The following RNF214 variants were observed in gnomAD, a reference collection of about 807,000 sequenced individuals.
RNF214 encodes the protein ring finger protein 214.
In RNF214, 25 loss-of-function variants were observed where a neutral mutation model predicts 75.9. That is an observed-to-expected ratio of 0.33 (90% CI 0.24 to 0.46). The LOEUF (loss-of-function observed/expected upper bound fraction) is 0.46, where lower values mean the gene tolerates loss of function less well. Among genes scored for constraint, RNF214 ranks in the 20% least tolerant of loss-of-function variants. RNF214 has a pLI of 1.00. For missense variants in RNF214, 725 were observed against 857.5 expected (o/e 0.85, Z 1.93); for synonymous variants, 314 against 308.8 (o/e 1.02, Z -0.18).
At chr11:117,250,102 T>C (rs1360499576) in intron 6 of RNF214, among the ~76,000 whole-genome samples, 1 of 152,180 alleles carries the variant, frequency 6.6e-6, no homozygotes, top group Non-Finnish European at 1.5e-5. Flanking sequence ...TGCAAAATAG[T>C]GTAATGATAC....
intron 1 of RNF214, among the ~76,000 whole-genome samples, chr11:117,233,423 CG>C (rs3834459): frequency 1.3e-5 from 2 of 152,058 alleles, no homozygotes; most frequent in Non-Finnish European, 2.9e-5. Flanking sequence ...TTCAGTGTTC[CG>C]GGGGGGAATA....
chr11:117,274,802 G>T (rs913777710), intron 6 of RNF214, among the ~76,000 whole-genome samples: 1 of 151,368 alleles, frequency 6.6e-6, no homozygotes, highest in African/African-American at 2.4e-5. Flanking sequence ...AGCCTCCCAA[G>T]TAGAACACAG....
intron 2 of RNF214, 77 bp from the exon 3 acceptor site, chr11:117,238,524 C>T (rs1398045567): frequency 2.4e-6 from 3 of 1,275,166 alleles, no homozygotes; most frequent in East Asian, 2.3e-5. Context: ...GGAGGGTTTA[C>T]GTAGTCTAGT....
chr11:117,274,415 T>C (rs2033971099), intron 6 of RNF214, among the ~76,000 whole-genome samples: 1 of 133,086 alleles, frequency 7.5e-6, no homozygotes, highest in Non-Finnish European at 1.5e-5. Context: ...CAGGCTGGAG[T>C]GCAATGGCAC....
At chr11:117,240,916 C>T (rs745537710) in intron 4 of RNF214, among the ~76,000 whole-genome samples, 3 of 151,988 alleles carry the variant, frequency 2.0e-5, no homozygotes, top group Non-Finnish European at 2.9e-5. Context: ...CGGTGGCTCA[C>T]GTCTGTAATC....
In RNF214 at chr11:117,282,209, C is replaced by G. The variant is rs1197333015; in HGVS notation, c.1651C>G (p.Pro551Ala). ...KASAETPRPQ[P>A]VDKLEKILEK... is the part of the protein sequence containing the mutation. Reference sequence around the variant, plus strand: ...TTCTGCTGAAACTCCCCGGCCCCAACCAGTAGACAAACTGGAGAAGATCCT... The same window carrying G: ...TTCTGCTGAAACTCCCCGGCCCCAAGCAGTAGACAAACTGGAGAAGATCCT... The change falls in exon 11 of 15, where the codon CCA becomes GCA. Residue 551 changes from proline to alanine, a missense_variant. Coordinates refer to ENST00000300650, the MANE Select transcript of RNF214 (RefSeq NM_207343.4). The G allele has an allele frequency of 1.2e-6, 2 of 1,612,078 alleles. No homozygotes were observed. Among genetic ancestry groups the G allele is most frequent in the South Asian group, 1.1e-5 (1 of 90,820 alleles).
intron 6 of RNF214, among the ~76,000 whole-genome samples, chr11:117,252,743 C>A (rs183786617): frequency 0.019 from 2,942 of 152,146 alleles, 80 homozygotes; most frequent in Admixed American, 0.059. Flanking sequence ...GATGGTCTCG[C>A]TCTCCTGACC....
chr11:117,244,460 G>C lies in RNF214; in HGVS notation c.694G>C (p.Glu232Gln), dbSNP rs1453241227. The change falls in exon 5 of 15, where the codon GAG (glutamate) becomes CAG (glutamine). Residue 232 changes from glutamate (E) to glutamine (Q), a missense_variant. By Grantham distance (29) the Glu-to-Gln change is conservative. Transcript: ENST00000300650. ...TTCATAATAGGATAAAATGATGACAGAGAGAACCCTGTTGAAAGAGCGTTA... is the reference window on the plus strand; with the variant it reads ...TTCATAATAGGATAAAATGATGACACAGAGAACCCTGTTGAAAGAGCGTTA... ...IEKNLDKMMT[E>Q]RTLLKERYQE... 7 of 1,610,572 alleles carry C rather than the reference G, an allele frequency of 4.3e-6. No individual in the cohort carries two copies. In the African/African-American group the frequency reaches 8.0e-5, roughly 18 times the overall value.
At chr11:117,280,982 CTTT>C (rs57955215) in intron 8 of RNF214, among the ~76,000 whole-genome samples, 26 of 87,996 alleles carry the variant, frequency 3.0e-4, no homozygotes, top group African/African-American at 1.1e-3. Flanking sequence ...AGGAATAGGG[CTTT>C]TTTTTTTTTT....
At chr11:117,275,542 A>T (rs1232009009) in intron 6 of RNF214, among the ~76,000 whole-genome samples, 1 of 152,212 alleles carries the variant, frequency 6.6e-6, no homozygotes, top group African/African-American at 2.4e-5. Context: ...CTTAGTCAAA[A>T]ATGAAAATAG....
chr11:117,238,056 T>C (rs1158035340), intron 2 of RNF214, among the ~76,000 whole-genome samples: 1 of 152,242 alleles, frequency 6.6e-6, no homozygotes, highest in Non-Finnish European at 1.5e-5. Context: ...CCAAAAGTTA[T>C]TAAAATTGGC....
intron 8 of RNF214, 46 bp from the exon 9 acceptor site, chr11:117,281,268 G>A: frequency 7.3e-7 from 1 of 1,378,332 alleles, no homozygotes; most frequent in South Asian, 1.2e-5. Context: ...ACTGTTCCTA[G>A]CAGGGCTTTC....
At chr11:117,274,861 A>G (rs1331561360) in intron 6 of RNF214, among the ~76,000 whole-genome samples, 1 of 149,854 alleles carries the variant, frequency 6.7e-6, no homozygotes. Context: ...TTTTTTTTGT[A>G]GAGACGGGGT....
At chr11:117,244,621 G>A in intron 5 of RNF214, 36 bp downstream of exon 5, 1 of 1,518,154 alleles carries the variant, frequency 6.6e-7, no homozygotes, top group South Asian at 1.2e-5. Flanking sequence ...AATGAGTTAA[G>A]CAACAGTCTC....
intron 6 of RNF214, among the ~76,000 whole-genome samples, chr11:117,248,328 G>C (rs1031563090): frequency 6.6e-6 from 1 of 152,096 alleles, no homozygotes; most frequent in South Asian, 2.1e-4. Flanking sequence ...CGCCTGCCTC[G>C]GCCTCCCAAA....
At chr11:117,274,023 G>T (rs1165788481) in intron 6 of RNF214, among the ~76,000 whole-genome samples, 1 of 152,092 alleles carries the variant, frequency 6.6e-6, no homozygotes, top group Admixed American at 6.6e-5. Context: ...GTGATTCTGA[G>T]GCAGCAGGCG....
In RNF214 at chr11:117,238,753, T is replaced by TG. The variant is rs767336701; in HGVS notation, c.262dup (p.Val88GlyfsTer21). 6.2e-7 allele frequency: 1 copy of TG among 1,614,142 alleles called. No individual in the cohort carries two copies. Among genetic ancestry groups the TG allele is most frequent in the Non-Finnish European group, 8.5e-7 (1 of 1,180,024 alleles). On this transcript the variant is annotated frameshift_variant, in exon 3 of 15. Transcript: ENST00000300650. LOFTEE classifies it high-confidence loss of function. ...GGTGACACCTCAGCAGCGCACCAGG[T>TG]GGTTTTAGGAGAAAACTTGATAGCC...
chr11:117,245,686 T>G (rs759394497), intron 5 of RNF214, among the ~76,000 whole-genome samples: 1 of 152,128 alleles, frequency 6.6e-6, no homozygotes, highest in African/African-American at 2.4e-5. Flanking sequence ...ATTAGATACA[T>G]CCATATGTTA....
intron 6 of RNF214, among the ~76,000 whole-genome samples, chr11:117,248,287 A>G (rs1357237609): frequency 3.3e-5 from 5 of 152,178 alleles, no homozygotes; most frequent in Admixed American, 1.3e-4. Flanking sequence ...CGTGTTAGCC[A>G]GGATGGTCTC....
Sources: allele counts gnomAD v4.1 joint callset (sites outside exome capture counted in the v4.1 genomes callset), GRCh38; gene constraint gnomAD v4.1.1; transcripts MANE v1.5; gene names NCBI Gene and HGNC (gene_info 2026-07-23, HGNC 2026-07-21).